The following AGBL4 variants were observed in gnomAD, a reference collection of about 807,000 sequenced individuals.
AGBL4 encodes the protein AGBL carboxypeptidase 4.
A neutral mutation model predicts 66.4 loss-of-function variants in AGBL4; 58 were observed. The observed-to-expected ratio is 0.87, with a 90% CI of 0.71 to 1.09. The LOEUF is 1.09. AGBL4 is among the 50% of genes least tolerant of loss of function. The probability of loss-of-function intolerance (pLI) is 0.00; values close to 1 mark genes in which losing one functional copy is unlikely to be tolerated. For synonymous variants in AGBL4, 234 were observed against 222.9 expected, an observed-to-expected ratio of 1.05 and a Z score of -0.44; for missense variants, 579 against 631.0, an observed-to-expected ratio of 0.92 and a Z score of 0.88.
chr1:49,016,634 A>G (rs1020621012), intron 5 of AGBL4, among the ~76,000 whole-genome samples: 3 of 152,208 alleles, frequency 2.0e-5, no homozygotes, highest in African/African-American at 7.2e-5. Flanking sequence ...GTTGGAGGTC[A>G]TGACCTCAAA....
chr1:49,568,522 CAA>C (rs1644262468), intron 3 of AGBL4, among the ~76,000 whole-genome samples: 2 of 150,526 alleles, frequency 1.3e-5, no homozygotes, highest in South Asian at 4.2e-4. Context: ...CACACACACA[CAA>C]ATGCCATGCT....
intron 5 of AGBL4, among the ~76,000 whole-genome samples, chr1:48,968,573 GTC>G (rs1465105366): frequency 6.6e-6 from 1 of 152,034 alleles, no homozygotes; most frequent in Non-Finnish European, 1.5e-5. Context: ...CTACTTAACT[GTC>G]TCTCTCCCAT....
At chr1:49,656,550 C>CA (rs904506535) in intron 3 of AGBL4, among the ~76,000 whole-genome samples, 22 of 151,934 alleles carry the variant, frequency 1.4e-4, no homozygotes, top group Non-Finnish European at 2.9e-4. Flanking sequence ...AGAGGCACAA[C>CA]AAAAAAAGAG....
intron 6 of AGBL4, among the ~76,000 whole-genome samples, chr1:48,807,532 T>C (rs774889995): frequency 2.6e-5 from 4 of 152,026 alleles, no homozygotes; most frequent in African/African-American, 4.8e-5. Flanking sequence ...CTGTGAGAGG[T>C]GAAAGTTGGG....
At chr1:49,663,178 T>C (rs1237568809) in intron 3 of AGBL4, among the ~76,000 whole-genome samples, 1 of 152,104 alleles carries the variant, frequency 6.6e-6, no homozygotes, top group Non-Finnish European at 1.5e-5. Flanking sequence ...TTTAGCACCA[T>C]CAATGGAATA....
In AGBL4 at chr1:49,962,649, T is replaced by C. The variant is rs376478145; in HGVS notation, c.34+61114A>G. Among the ~76,000 whole-genome samples the C allele has an allele frequency of 3.4e-4, 52 of 152,272 alleles. 1 individual carries two copies. In the South Asian group the frequency reaches 9.5e-3, roughly 28 times the overall value. On this transcript the variant is annotated intron_variant, in intron 1 of 13. Coordinates refer to ENST00000371839, the MANE Select transcript of AGBL4 (RefSeq NM_032785.4). ...ACTGTGCTGGATATTTAGAATACAATAGTAAGTGAAGACAAATAGTTTTTG... is the reference window on the plus strand; with the variant it reads ...ACTGTGCTGGATATTTAGAATACAACAGTAAGTGAAGACAAATAGTTTTTG...
At chr1:49,596,581 G>C (rs752934000) in intron 3 of AGBL4, among the ~76,000 whole-genome samples, 3 of 152,182 alleles carry the variant, frequency 2.0e-5, no homozygotes, top group Non-Finnish European at 4.4e-5. Flanking sequence ...ATGTATGTTA[G>C]TAAGAAGGCA....
intron 11 of AGBL4, among the ~76,000 whole-genome samples, chr1:48,561,236 CT>C (rs1339623290): frequency 1.3e-5 from 2 of 151,124 alleles, no homozygotes; most frequent in Admixed American, 6.6e-5. Flanking sequence ...TTTCTTTTTC[CT>C]TCTTTCTCTT....
At chr1:49,236,890 C>T (rs949019190) in intron 4 of AGBL4, among the ~76,000 whole-genome samples, 16 of 151,986 alleles carry the variant, frequency 1.1e-4, no homozygotes, top group Admixed American at 3.3e-4. Flanking sequence ...GGAGAAACCT[C>T]GGTGGGGAGG....
chr1:49,336,764 A>G (rs1251873648), intron 3 of AGBL4, among the ~76,000 whole-genome samples: 2 of 152,208 alleles, frequency 1.3e-5, no homozygotes. Context: ...AGAAAGTAAG[A>G]TTCATAAGAG....
At chr1:48,961,734 C>T (rs1027021489) in intron 5 of AGBL4, among the ~76,000 whole-genome samples, 3 of 152,206 alleles carry the variant, frequency 2.0e-5, no homozygotes, top group Admixed American at 1.3e-4. Flanking sequence ...GCTGCATTTC[C>T]ACCAGGCTGA....
chr1:49,496,123 A>G (rs1003130720), intron 3 of AGBL4, among the ~76,000 whole-genome samples: 2 of 152,076 alleles, frequency 1.3e-5, no homozygotes, highest in African/African-American at 4.8e-5. Context: ...TCCTTAAGAT[A>G]TATCACAAAG....
chr1:49,784,428 C>G (rs1166940953), intron 2 of AGBL4, among the ~76,000 whole-genome samples: 1 of 152,062 alleles, frequency 6.6e-6, no homozygotes, highest in Non-Finnish European at 1.5e-5. Context: ...TATCTACTCA[C>G]AAAATTATGC....
intron 2 of AGBL4, among the ~76,000 whole-genome samples, chr1:49,715,168 A>G (rs1486541400): frequency 1.3e-5 from 2 of 151,766 alleles, no homozygotes; most frequent in Non-Finnish European, 2.9e-5. Context: ...CCCTGTGTCC[A>G]TGTGTTCTCA....
At chr1:48,596,288 T>C (rs1346282243) in intron 9 of AGBL4, among the ~76,000 whole-genome samples, 2 of 152,124 alleles carry the variant, frequency 1.3e-5, no homozygotes, top group Admixed American at 6.5e-5. Context: ...TTATTGTCCT[T>C]AGACTCTCAA....
intron 2 of AGBL4, among the ~76,000 whole-genome samples, chr1:49,730,716 G>T (rs1220432675): frequency 6.6e-6 from 1 of 152,136 alleles, no homozygotes. Flanking sequence ...CAAGATTTGG[G>T]CTGGTAGCAT....
chr1:49,740,355 C>T (rs923782565), intron 2 of AGBL4, among the ~76,000 whole-genome samples: 6 of 152,106 alleles, frequency 3.9e-5, no homozygotes, highest in Admixed American at 1.3e-4. Flanking sequence ...GCTAACTATC[C>T]TAAATATATA....
intron 1 of AGBL4, among the ~76,000 whole-genome samples, chr1:49,880,344 G>C (rs1033790867): frequency 9.2e-5 from 14 of 151,920 alleles, no homozygotes; most frequent in Non-Finnish European, 2.1e-4. Flanking sequence ...TTTTCAGTGT[G>C]GATGTCCTTT....
intron 9 of AGBL4, among the ~76,000 whole-genome samples, chr1:48,611,396 T>C (rs1344782934): frequency 1.3e-5 from 2 of 152,222 alleles, no homozygotes; most frequent in African/African-American, 4.8e-5. Flanking sequence ...CAGAGAGATG[T>C]CAGGACCCAG....
Sources: allele counts gnomAD v4.1 joint callset (sites outside exome capture counted in the v4.1 genomes callset), GRCh38; gene constraint gnomAD v4.1.1; transcripts MANE v1.5; gene names NCBI Gene and HGNC (gene_info 2026-07-23, HGNC 2026-07-21).